PDE1A: variants seen among roughly 807,000 people sequenced by gnomAD.
PDE1A encodes the protein phosphodiesterase 1A.
PDE1A carries 35 observed loss-of-function variants against 61.7 expected under a neutral mutation model. The ratio of observed to expected loss-of-function variants is 0.57; its 90% CI spans 0.43 to 0.75. The LOEUF is 0.75. Among genes scored for constraint, PDE1A ranks in the 30% least tolerant of loss-of-function variants. The pLI is 0.00. For missense variants in PDE1A, 597 were observed against 630.6 expected, an observed-to-expected ratio of 0.95 and a Z score of 0.57; for synonymous variants, 232 against 213.2, an observed-to-expected ratio of 1.09 and a Z score of -0.77.
intron 1 of PDE1A, among the ~76,000 whole-genome samples, chr2:182,296,949 A>G (rs1383353869): frequency 6.6e-6 from 1 of 152,134 alleles, no homozygotes; most frequent in Non-Finnish European, 1.5e-5. Flanking sequence ...TTGGTCAAGG[A>G]TTTATGCCAC....
At chr2:182,559,715 T>A in the PDE1A span, among the ~76,000 whole-genome samples, 1 of 152,124 alleles carries the variant, frequency 6.6e-6, no homozygotes, top group Non-Finnish European at 1.5e-5. Flanking sequence ...AGCATCAAAC[T>A]GAAAACTACC....
chr2:182,635,915 C>T, the PDE1A span, among the ~76,000 whole-genome samples: 7 of 149,718 alleles, frequency 4.7e-5, no homozygotes, highest in South Asian at 2.1e-4. Flanking sequence ...TCTTTACTTC[C>T]GTCAATAAAG....
At chr2:182,196,940 G>T (rs1307006071) in intron 10 of PDE1A, among the ~76,000 whole-genome samples, 2 of 151,696 alleles carry the variant, frequency 1.3e-5, no homozygotes. Flanking sequence ...GGGTAAAAGT[G>T]CTGGGTCCTA....
chr2:182,402,727 A>T (rs1458049814), intron 1 of PDE1A, among the ~76,000 whole-genome samples: 1 of 152,260 alleles, frequency 6.6e-6, no homozygotes, highest in East Asian at 1.9e-4. Context: ...AACTATCATC[A>T]GAGTGAACAG....
At chr2:182,210,203 TGTAATAAATTG>T (rs1687467128) in intron 7 of PDE1A, among the ~76,000 whole-genome samples, 1 of 152,248 alleles carries the variant, frequency 6.6e-6, no homozygotes, top group South Asian at 2.1e-4. Flanking sequence ...GTTTCAATTT[TGTAATAAATTG>T]GTAAACTGTC....
At chr2:182,431,481 T>G (rs1473668649), upstream of PDE1A, among the ~76,000 whole-genome samples, 5 of 152,174 alleles carry the variant, frequency 3.3e-5, no homozygotes, top group Admixed American at 2.6e-4. Flanking sequence ...AAATTCTTCC[T>G]CATAAACTAA....
the PDE1A span, among the ~76,000 whole-genome samples, chr2:182,689,997 T>G: frequency 2.0e-5 from 3 of 152,044 alleles, no homozygotes; most frequent in Admixed American, 6.6e-5. Context: ...TAGAATCTCG[T>G]AATAGACCAA....
chr2:182,225,412 AG>A (rs1689065559), intron 6 of PDE1A, among the ~76,000 whole-genome samples: 1 of 151,978 alleles, frequency 6.6e-6, no homozygotes, highest in East Asian at 1.9e-4. Flanking sequence ...TGAATCTCAT[AG>A]GTACCAAAGG....
chr2:182,217,009 T>TGAC (rs1688236911), intron 7 of PDE1A, among the ~76,000 whole-genome samples: 1 of 27,726 alleles, frequency 3.6e-5, no homozygotes, highest in Admixed American at 5.1e-4. Context: ...ACTACCTGAC[T>TGAC]TCAAACTATA....
At chr2:182,675,192 G>A in the PDE1A span, among the ~76,000 whole-genome samples, 1 of 152,110 alleles carries the variant, frequency 6.6e-6, no homozygotes, top group African/African-American at 2.4e-5. Context: ...CCACTTATAA[G>A]TGAGAACATG....
intron 3 of PDE1A, among the ~76,000 whole-genome samples, chr2:182,236,422 G>T (rs1690021947): frequency 6.6e-6 from 1 of 151,206 alleles, no homozygotes; most frequent in African/African-American, 2.4e-5. Flanking sequence ...GGAGGTGCAG[G>T]GGAAATGGAA....
At chr2:182,505,771 T>A (rs969485182) in intron 2 of PDE1A, among the ~76,000 whole-genome samples, 2 of 152,174 alleles carry the variant, frequency 1.3e-5, no homozygotes, top group African/African-American at 4.8e-5. Context: ...ACAAGCTGCA[T>A]GGCCAAGAGT....
At chr2:182,146,169 G>A (rs1295219231), downstream of PDE1A, among the ~76,000 whole-genome samples, 1 of 152,104 alleles carries the variant, frequency 6.6e-6, no homozygotes, top group Non-Finnish European at 1.5e-5. Flanking sequence ...AATTTTAGTG[G>A]ACAGAAATAT....
At chr2:182,351,474 C>T (rs1698874132) in intron 1 of PDE1A, among the ~76,000 whole-genome samples, 1 of 152,152 alleles carries the variant, frequency 6.6e-6, no homozygotes, top group Admixed American at 6.5e-5. Flanking sequence ...ACCTGATTAT[C>T]AAGCTGGAAG....
rs534294943 is a variant in PDE1A at position 182,237,689 on chromosome 2, G to A, written c.350+2421C>T. On this transcript the variant is annotated intron_variant, in intron 3 of 13. Coordinates refer to ENST00000351439, the Ensembl canonical transcript of PDE1A. ...GGAGGTAAACCACTGGCTGGGGGCA[G>A]CAATAGTGAGGAACAGCATAGAGTG... Among the ~76,000 whole-genome samples the A allele has an allele frequency of 3.9e-5, 6 of 152,288 alleles. No homozygotes were observed. The South Asian group carries it at 6.2e-4, about 16-fold the overall frequency.
In PDE1A at chr2:182,436,771, T is replaced by G. The variant is rs1684450438; in HGVS notation, c.101+85505A>C. On this transcript the variant is annotated intron_variant, in intron 2 of 14. Coordinates refer to the PDE1A transcript ENST00000410103. ...ATTTCACACTCAAGGCAACTAGACTTTAGAAAAGTTATATAATTTGCCAAA... is the reference window on the plus strand; with the variant it reads ...ATTTCACACTCAAGGCAACTAGACTGTAGAAAAGTTATATAATTTGCCAAA... Among the ~76,000 whole-genome samples, 3 of 152,058 alleles carry G rather than the reference T, an allele frequency of 2.0e-5. No homozygotes were observed. In the South Asian group the frequency reaches 6.2e-4, roughly 32 times the overall value.
exon 1 of PDE1A, chr2:182,426,760 T>C: frequency 1.3e-6 from 2 of 1,506,554 alleles, no homozygotes; most frequent in Non-Finnish European, 1.8e-6. Context: ...CTTTCTCTTT[T>C]TGGGTGCTGG....
intron 1 of PDE1A, among the ~76,000 whole-genome samples, chr2:182,327,543 T>C (rs833172): frequency 0.99 from 151,268 of 152,276 alleles, 75,142 homozygotes; most frequent in East Asian, 1. Flanking sequence ...GAGTGGCCAA[T>C]GAGTGAGGTG....
chr2:182,569,254 A>AATATATATATATATATATATATAT, the PDE1A span, among the ~76,000 whole-genome samples: 668 of 138,246 alleles, frequency 4.8e-3, 8 homozygotes, highest in Admixed American at 8.8e-3. Flanking sequence ...ACCTGTCTCA[A>AATATATATATATATATATATATAT]ATATATATAT....
Sources: gnomAD v4.1 joint callset for allele counts (sites outside exome capture counted in the v4.1 genomes callset) on GRCh38, gnomAD v4.1.1 for gene constraint, MANE v1.5 for transcripts, NCBI Gene and HGNC (gene_info 2026-07-23, HGNC 2026-07-21) for gene names.